OPA1: variants seen among roughly 807,000 people sequenced by gnomAD.
OPA1 encodes the protein OPA1 mitochondrial dynamin like GTPase.
In OPA1, 59 loss-of-function variants were observed where a neutral mutation model predicts 152.9. That is an observed-to-expected ratio of 0.39 (90% CI 0.31 to 0.48). The LOEUF (loss-of-function observed/expected upper bound fraction) is 0.48, where lower values mean the gene tolerates loss of function less well. OPA1 is among the 20% of genes least tolerant of loss of function. OPA1 has a pLI of 0.96. For synonymous variants in OPA1, 400 were observed against 389.9 expected, an observed-to-expected ratio of 1.03 and a Z score of -0.31; for missense variants, 1,008 against 1,216.8, an observed-to-expected ratio of 0.83 and a Z score of 2.55.
At position 193,638,009 on chromosome 3, in the gene OPA1, C is replaced by G. The variant is rs748829492; in HGVS notation, c.1093C>G (p.Gln365Glu). Residue 365 changes from glutamine to glutamate, a missense_variant, in exon 11 of 31, where the codon CAA becomes GAA. Transcript: ENST00000361510. ...GACTAGTGTGTTGGAAATGATTGCCCAAGCTCGAATATTCCCAAGAGGATC... is the reference window on the plus strand; with the variant it reads ...GACTAGTGTGTTGGAAATGATTGCCGAAGCTCGAATATTCCCAAGAGGATC... The part of the protein sequence containing the change: ...GKTSVLEMIA[Q>E]ARIFPRGSGE... The G allele has an allele frequency of 6.2e-7, 1 of 1,614,066 alleles. No homozygotes were observed. Among genetic ancestry groups the G allele is most frequent in the East Asian group, 2.2e-5 (1 of 44,880 alleles).
Position 193,614,913 on chromosome 3 carries a change from T to C in OPA1, c.223T>C (p.Phe75Leu). ...AAACCTTCCTTTACGTAAACTGAAATTCTCTCCAATTAAATATGGCTACCA... is the reference window on the plus strand; with the variant it reads ...AAACCTTCCTTTACGTAAACTGAAACTCTCTCCAATTAAATATGGCTACCA... ...LTNLPLRKLKFSPIKYGYQPR... is the reference protein window; with the variant it reads ...LTNLPLRKLKLSPIKYGYQPR... The change falls in exon 2 of 31, where the codon TTC (phenylalanine) becomes CTC (leucine). Residue 75 changes from phenylalanine (F) to leucine (L), a missense_variant. By Grantham distance (22) the Phe-to-Leu change is conservative. Coordinates refer to ENST00000361510, the MANE Select transcript of OPA1 (RefSeq NM_130837.3). The C allele has an allele frequency of 1.2e-6, 2 of 1,613,926 alleles. No individual in the cohort carries two copies. The highest frequency in any genetic ancestry group is 1.7e-6 in the Non-Finnish European group (2 of 1,179,868).
At chr3:193,652,508 A>G (rs1475255498) in intron 21 of OPA1, among the ~76,000 whole-genome samples, 2 of 152,152 alleles carry the variant, frequency 1.3e-5, no homozygotes, top group Admixed American at 6.6e-5. Flanking sequence ...AATGGTTTTT[A>G]TATGAACATT....
rs185358570 is a variant in OPA1, at chr3:193,607,762, A to G, written c.33-6961A>G. Among the ~76,000 whole-genome samples the G allele has an allele frequency of 2.6e-5, 4 of 152,260 alleles. No individual in the cohort carries two copies. In the East Asian group the frequency reaches 5.8e-4, roughly 22 times the overall value. ...AATGCAGGCTCTTTTTTGGTTCCAT[A>G]TGAACTTTAAAGTAGTTTTTTCCAA... On this transcript the variant is annotated intron_variant, in intron 1 of 30. Transcript: ENST00000361510.
intron 1 of OPA1, among the ~76,000 whole-genome samples, chr3:193,606,185 A>G (rs2108817663): frequency 6.6e-6 from 1 of 152,290 alleles, no homozygotes; most frequent in African/African-American, 2.4e-5. Flanking sequence ...ATCTTGGGGT[A>G]AAGAAATTCT....
At chr3:193,599,532 G>T (rs534552213) in intron 1 of OPA1, among the ~76,000 whole-genome samples, 1 of 151,992 alleles carries the variant, frequency 6.6e-6, no homozygotes, top group Admixed American at 6.5e-5. Flanking sequence ...GGGCTCTGGA[G>T]GAAGTGGCAG....
intron 29 of OPA1, among the ~76,000 whole-genome samples, chr3:193,689,419 C>T (rs1033998003): frequency 7.2e-5 from 11 of 151,972 alleles, no homozygotes; most frequent in African/African-American, 2.2e-4. Context: ...ATATTCTAAT[C>T]GTAAATATTT....
chr3:193,656,938 T>C (rs1577295795), intron 22 of OPA1, 142 bp from the exon 23 acceptor site: 1 of 741,866 alleles, frequency 1.3e-6, no homozygotes, highest in African/African-American at 1.8e-5. Context: ...TATTTGCCTT[T>C]TTGTTAATGT....
chr3:193,679,985 A>G (rs555714708), intron 29 of OPA1, among the ~76,000 whole-genome samples: 1 of 152,212 alleles, frequency 6.6e-6, no homozygotes, highest in Non-Finnish European at 1.5e-5. Context: ...AAACTCGGTG[A>G]TAAACCGAGA....
chr3:193,654,957 C>T lies in OPA1; in HGVS notation c.2108C>T (p.Thr703Ile). ...LPAAQTMNSG[T>I]FNTTVDIKLK... ...GCTGCGCAGACCATGAATTCAGGAACTTTTAACACCACAGTGGATATCAAG... is the reference window on the plus strand; with the variant it reads ...GCTGCGCAGACCATGAATTCAGGAATTTTTAACACCACAGTGGATATCAAG... Residue 703 changes from threonine (T) to isoleucine (I), a missense_variant, in exon 22 of 31, where the codon ACT becomes ATT. This residue lies in a region of OPA1 where 229 missense variants were observed against 269.0 expected (regional missense o/e 0.85). Transcript: ENST00000361510. The T allele has an allele frequency of 6.2e-7, 1 of 1,613,936 alleles. No individual in the cohort carries two copies. The highest frequency in any genetic ancestry group is 1.1e-5 in the South Asian group (1 of 91,068).
At chr3:193,612,605 C>T (rs1398250900) in intron 1 of OPA1, among the ~76,000 whole-genome samples, 1 of 152,024 alleles carries the variant, frequency 6.6e-6, no homozygotes, top group African/African-American at 2.4e-5. Flanking sequence ...CAAATTAAAA[C>T]TTCTCCATTG....
rs1021013585 is a variant in OPA1, at chr3:193,696,190, G to A, written c.*1590G>A. ...TAATGAATATTTTTGCAGTTGTAAA[G>A]CATAACAATTACAACTACACATCTA... On this transcript the variant is annotated 3_prime_UTR_variant, in exon 31 of 31. Coordinates refer to ENST00000361510, the MANE Select transcript of OPA1 (RefSeq NM_130837.3). The A allele has an allele frequency of 6.6e-6, 1 of 152,174 alleles. No homozygotes were observed. Among genetic ancestry groups the A allele is most frequent in the African/African-American group, 2.4e-5 (1 of 41,442 alleles). The allele number at this position is 152,174 out of a possible 1,614,324, so 9.4% of individuals were successfully genotyped here.
At chr3:193,633,281 T>G (rs776661258) in intron 8 of OPA1, among the ~76,000 whole-genome samples, 2 of 152,214 alleles carry the variant, frequency 1.3e-5, no homozygotes, top group Admixed American at 6.5e-5. Context: ...TGTTTTTAAA[T>G]GCCCTCAAGA....
intron 30 of OPA1, among the ~76,000 whole-genome samples, chr3:193,694,149 C>A (rs1722033020): frequency 6.6e-6 from 1 of 152,174 alleles, no homozygotes. Context: ...ACTCTGTGAA[C>A]TTTTACAAAG....
intron 30 of OPA1, among the ~76,000 whole-genome samples, chr3:193,693,618 C>T (rs535061995): frequency 2.0e-5 from 3 of 151,848 alleles, no homozygotes; most frequent in Admixed American, 6.6e-5. Flanking sequence ...CCAGCCTGGG[C>T]GACAGAGCGA....
At chr3:193,593,671 T>C (rs1379167838) in intron 1 of OPA1, among the ~76,000 whole-genome samples, 6 of 152,196 alleles carry the variant, frequency 3.9e-5, no homozygotes, top group Non-Finnish European at 8.8e-5. Flanking sequence ...CCCGTCTCTA[T>C]TGTCCTTTTG....
chr3:193,665,662 TTTAA>T (rs1287476445), intron 27 of OPA1, among the ~76,000 whole-genome samples: 1 of 152,188 alleles, frequency 6.6e-6, no homozygotes, highest in African/African-American at 2.4e-5. Context: ...AACAATCTTA[TTTAA>T]TTGAGACTTC....
chr3:193,655,119 A>G (rs371164266), intron 22 of OPA1, 92 bp downstream of exon 22: 7 of 1,195,246 alleles, frequency 5.9e-6, no homozygotes, highest in East Asian at 4.9e-5. Context: ...CACAGCCTCT[A>G]TCTTTCTTTT....
intron 1 of OPA1, among the ~76,000 whole-genome samples, chr3:193,600,746 T>C (rs1346960657): frequency 6.6e-6 from 1 of 152,240 alleles, no homozygotes; most frequent in Non-Finnish European, 1.5e-5. Flanking sequence ...GAAAACCTGC[T>C]AGAAGAGATA....
chr3:193,638,906 G>A (rs769318825), intron 11 of OPA1, among the ~76,000 whole-genome samples: 3 of 152,168 alleles, frequency 2.0e-5, no homozygotes, highest in Non-Finnish European at 2.9e-5. Context: ...AGTTATGTTG[G>A]GGCAAATGCT....
Sources: allele counts gnomAD v4.1 joint callset (sites outside exome capture counted in the v4.1 genomes callset), GRCh38; gene constraint gnomAD v4.1.1; regional missense constraint gnomAD v4.1.1; transcripts MANE v1.5; gene names NCBI Gene and HGNC (gene_info 2026-07-23, HGNC 2026-07-21).